SPOPL: variants seen among roughly 807,000 people sequenced by gnomAD.
SPOPL encodes the protein speckle-type POZ protein-like.
In SPOPL, 23 loss-of-function variants were observed where a neutral mutation model predicts 53.8. The ratio of observed to expected loss-of-function variants is 0.43; its 90% CI spans 0.31 to 0.61. The LOEUF (loss-of-function observed/expected upper bound fraction) is 0.61, where lower values mean the gene tolerates loss of function less well. Among genes scored for constraint, SPOPL ranks in the 20% least tolerant of loss-of-function variants. The pLI is 0.12. For synonymous variants in SPOPL, 164 were observed against 149.7 expected (o/e 1.10, Z -0.70); for missense variants, 442 against 466.9 (o/e 0.95, Z 0.49).
chr2:138,562,621 T>C (rs1331124862), intron 8 of SPOPL, among the ~76,000 whole-genome samples: 4 of 151,680 alleles, frequency 2.6e-5, no homozygotes, highest in Non-Finnish European at 4.4e-5. Context: ...CTGTCTCTAC[T>C]AAAAATACAA....
At chr2:138,560,974 T>C (rs758808261) in intron 8 of SPOPL, 47 bp downstream of exon 8, 2 of 1,576,910 alleles carry the variant, frequency 1.3e-6, no homozygotes, top group Non-Finnish European at 1.7e-6. Context: ...TCAAGCTTGA[T>C]TTATATAGAA....
chr2:138,516,053 A>T (rs1219080203), intron 1 of SPOPL, among the ~76,000 whole-genome samples: 2 of 152,070 alleles, frequency 1.3e-5, no homozygotes, highest in African/African-American at 4.8e-5. Context: ...TAGCTAAAAA[A>T]CAAAAAAAAC....
chr2:138,565,121 AAAAC>A (rs1178673780), intron 10 of SPOPL, 128 bp downstream of exon 10: 25 of 1,185,082 alleles, frequency 2.1e-5, no homozygotes, highest in African/African-American at 1.2e-4. Flanking sequence ...CCAGTTATTA[AAAAC>A]AAACAAAGAC....
chr2:138,568,620 A>G (rs965666664), intron 10 of SPOPL, among the ~76,000 whole-genome samples: 1 of 152,178 alleles, frequency 6.6e-6, no homozygotes, highest in African/African-American at 2.4e-5. Flanking sequence ...AATCTGCCTT[A>G]TAAGAGGCAT....
chr2:138,506,860 A>C (rs1239166482), intron 1 of SPOPL, among the ~76,000 whole-genome samples: 1 of 152,158 alleles, frequency 6.6e-6, no homozygotes, highest in Non-Finnish European at 1.5e-5. Context: ...TTGCTTAAGG[A>C]GATAGTATGG....
chr2:138,569,071 A>G lies in SPOPL; in HGVS notation c.1170A>G (p.Lys390=). ...TTGGCATTCCACGCAAACGGCTAAAACAGTCCTGAAATCTTCCATGAACAG... is the reference window on the plus strand; with the variant it reads ...TTGGCATTCCACGCAAACGGCTAAAGCAGTCCTGAAATCTTCCATGAACAG... ...PQFGIPRKRL[K]QS is the part of the protein sequence containing the mutation. The change falls in exon 11 of 11, where the codon AAA becomes AAG. Residue 390 remains lysine, a synonymous_variant. Transcript: ENST00000280098. 5 of 1,612,954 alleles carry G rather than the reference A, an allele frequency of 3.1e-6. No homozygotes were observed. The highest frequency in any genetic ancestry group is 4.2e-6 in the Non-Finnish European group (5 of 1,179,762).
At chr2:138,524,453 A>G (rs961178561) in intron 1 of SPOPL, among the ~76,000 whole-genome samples, 10 of 152,210 alleles carry the variant, frequency 6.6e-5, no homozygotes, top group Non-Finnish European at 1.2e-4. Flanking sequence ...TACTTATGCA[A>G]ATTTCTGCAG....
At chr2:138,552,147 A>G (rs1175207566) in intron 4 of SPOPL, among the ~76,000 whole-genome samples, 2 of 152,086 alleles carry the variant, frequency 1.3e-5, no homozygotes, top group Non-Finnish European at 2.9e-5. Context: ...TGAAGGGAGA[A>G]GCAGGAAATA....
chr2:138,525,076 T>C (rs1179875990), intron 1 of SPOPL, among the ~76,000 whole-genome samples: 3 of 152,226 alleles, frequency 2.0e-5, no homozygotes, highest in Non-Finnish European at 2.9e-5. Context: ...TTCATGCTGC[T>C]GATAAAGACA....
Position 138,570,616 on chromosome 2 carries a change from A to G in SPOPL, c.*1536A>G, listed in dbSNP as rs1685760393. 1 of 152,168 alleles carries G rather than the reference A, an allele frequency of 6.6e-6. No individual in the cohort carries two copies. The highest frequency in any genetic ancestry group is 1.5e-5 in the Non-Finnish European group (1 of 68,026). 9.4% of individuals were successfully genotyped at this position (152,168 alleles called of 1,614,324 possible). On this transcript the variant is annotated 3_prime_UTR_variant, in exon 11 of 11. Transcript: ENST00000280098. ...ACAAGGGAAAAAGTGTGTCACTGGA[A>G]AAAAACGCATATACCTATGTTTGCA...
chr2:138,546,731 TTAAAG>T (rs1209306111), intron 1 of SPOPL, among the ~76,000 whole-genome samples: 6 of 118,386 alleles, frequency 5.1e-5, no homozygotes, highest in East Asian at 3.6e-4. Flanking sequence ...TCTAATTACT[TTAAAG>T]TAAGCTTTCT....
At chr2:138,566,328 T>C (rs1037708024) in intron 10 of SPOPL, among the ~76,000 whole-genome samples, 6 of 152,196 alleles carry the variant, frequency 3.9e-5, no homozygotes, top group Non-Finnish European at 8.8e-5. Flanking sequence ...TCCTTTGTAC[T>C]TAGCCATTTT....
At chr2:138,565,328 A>C (rs1401317270) in intron 10 of SPOPL, among the ~76,000 whole-genome samples, 2 of 152,204 alleles carry the variant, frequency 1.3e-5, no homozygotes, top group Admixed American at 1.3e-4. Context: ...TACTCCTATG[A>C]GGAATGTTAC....
chr2:138,534,763 ATT>A (rs1684891738), intron 1 of SPOPL, among the ~76,000 whole-genome samples: 2 of 152,114 alleles, frequency 1.3e-5, no homozygotes, highest in Non-Finnish European at 2.9e-5. Flanking sequence ...ATTACTTACC[ATT>A]TCCCCCTCCC....
chr2:138,525,268 T>A (rs1481374560), intron 1 of SPOPL, among the ~76,000 whole-genome samples: 1 of 152,120 alleles, frequency 6.6e-6, no homozygotes, highest in African/African-American at 2.4e-5. Flanking sequence ...ATGAGACTCA[T>A]TCACTATCAT....
intron 1 of SPOPL, among the ~76,000 whole-genome samples, chr2:138,527,303 C>T (rs916886188): frequency 6.6e-6 from 1 of 152,052 alleles, no homozygotes; most frequent in Admixed American, 6.6e-5. Flanking sequence ...TTATATATCT[C>T]CGTTGTTCCT....
chr2:138,522,388 C>T (rs753902227), intron 1 of SPOPL, among the ~76,000 whole-genome samples: 4 of 152,144 alleles, frequency 2.6e-5, no homozygotes, highest in African/African-American at 9.7e-5. Flanking sequence ...AGCTATTTCA[C>T]TTATGCCTCA....
rs1273224916 is a variant in SPOPL at position 138,564,958 on chromosome 2, A to G, written c.999A>G (p.Gln333=). Residue 333 remains glutamine (Q), a synonymous_variant, in exon 10 of 11, where the codon CAA becomes CAG. Transcript: ENST00000280098. ...DFINRCSVLR[Q]LGCKDGKNWN... ...AATGCAGGTGCAGTGTACTTCGACA[A>G]CTTGGGTGTAAAGATGGGAAAAACT... 3.7e-6 allele frequency: 6 copies of G among 1,614,128 alleles called. No homozygotes were observed. Among genetic ancestry groups the G allele is most frequent in the South Asian group, 1.1e-5 (1 of 91,082 alleles).
In SPOPL at chr2:138,536,624, G is replaced by A. The variant is rs545883349; in HGVS notation, c.-60-13533G>A. ...CCTGAAATTTCTTCCGAATCCAGGT[G>A]GGCTCCTCTCAGCTGTGTCTTTTCC... On this transcript the variant is annotated intron_variant, in intron 1 of 10. Transcript: ENST00000280098. Among the ~76,000 whole-genome samples, 2 of 152,264 alleles carry A rather than the reference G, an allele frequency of 1.3e-5. 1 individual carries two copies. Among genetic ancestry groups the A allele is most frequent in the South Asian group, 4.1e-4 (2 of 4,820 alleles).
Sources: gnomAD v4.1 joint callset for allele counts (sites outside exome capture counted in the v4.1 genomes callset) on GRCh38, gnomAD v4.1.1 for gene constraint, MANE v1.5 for transcripts, NCBI Gene and HGNC (gene_info 2026-07-23, HGNC 2026-07-21) for gene names.